The following BBS9 variants were observed in gnomAD, a reference collection of about 807,000 sequenced individuals.
The protein encoded by BBS9 is Bardet-Biedl syndrome 9, also known as protein PTHB1.
In BBS9, 89 loss-of-function variants were observed where a neutral mutation model predicts 117.7. The observed-to-expected ratio is 0.76, with a 90% confidence interval of 0.64 to 0.90. The LOEUF (loss-of-function observed/expected upper bound fraction) is 0.90. BBS9 is among the 40% of genes least tolerant of loss of function. The probability of loss-of-function intolerance (pLI) is 0.00; values close to 1 mark genes in which losing one functional copy is unlikely to be tolerated. For synonymous variants in BBS9, 379 were observed against 370.9 expected, an observed-to-expected ratio of 1.02 and a Z score of -0.25; for missense variants, 982 against 1,042.2, an observed-to-expected ratio of 0.94 and a Z score of 0.80.
intron 19 of BBS9, among the ~76,000 whole-genome samples, chr7:33,400,934 A>G (rs961489578): frequency 2.0e-5 from 3 of 152,232 alleles, no homozygotes; most frequent in Non-Finnish European, 4.4e-5. Flanking sequence ...ATTTAAATAT[A>G]TTTGTCACAC....
intron 4 of BBS9, among the ~76,000 whole-genome samples, chr7:33,158,225 A>C (rs1228957163): frequency 6.6e-6 from 1 of 152,184 alleles, no homozygotes; most frequent in Non-Finnish European, 1.5e-5. Context: ...CTAAAATTGC[A>C]CCGAAAACTG....
intron 5 of BBS9, among the ~76,000 whole-genome samples, chr7:33,241,769 AT>A (rs1301634119): frequency 2.0e-4 from 31 of 151,998 alleles, no homozygotes; most frequent in Non-Finnish European, 3.8e-4. Flanking sequence ...TATTTCTCAA[AT>A]TTCTGTTCTT....
chr7:33,560,763 A>T (rs914120972), intron 21 of BBS9, among the ~76,000 whole-genome samples: 1 of 152,178 alleles, frequency 6.6e-6, no homozygotes, highest in African/African-American at 2.4e-5. Context: ...ATCTCTAGGG[A>T]TAGGCTTCCA....
chr7:33,234,777 A>G (rs188483114), intron 5 of BBS9, among the ~76,000 whole-genome samples: 1 of 152,190 alleles, frequency 6.6e-6, no homozygotes, highest in East Asian at 1.9e-4. Context: ...TTGAATATAT[A>G]CAGACACGGG....
intron 1 of BBS9, among the ~76,000 whole-genome samples, chr7:33,139,723 G>A (rs560753321): frequency 6.8e-6 from 1 of 147,182 alleles, no homozygotes; most frequent in East Asian, 3.7e-4. Flanking sequence ...CCCTTTGAGT[G>A]TTGTATAGTT....
At chr7:33,324,390 C>G (rs1427426692) in intron 9 of BBS9, among the ~76,000 whole-genome samples, 1 of 152,088 alleles carries the variant, frequency 6.6e-6, no homozygotes, top group Non-Finnish European at 1.5e-5. Context: ...TGCTTTTTAA[C>G]TTTTATTGTT....
intron 21 of BBS9, among the ~76,000 whole-genome samples, chr7:33,547,197 A>T (rs1483646532): frequency 2.0e-5 from 3 of 152,164 alleles, no homozygotes; most frequent in Non-Finnish European, 4.4e-5. Flanking sequence ...CACATAAGAG[A>T]TGGTATCACT....
At chr7:33,167,061 G>C (rs1442469812) in intron 4 of BBS9, among the ~76,000 whole-genome samples, 1 of 152,208 alleles carries the variant, frequency 6.6e-6, no homozygotes, top group African/African-American at 2.4e-5. Context: ...TCCATGATGA[G>C]TCATAGAATG....
chr7:33,404,343 A>G (rs1278086431), intron 19 of BBS9, among the ~76,000 whole-genome samples: 1 of 152,258 alleles, frequency 6.6e-6, no homozygotes, highest in East Asian at 1.9e-4. Flanking sequence ...TTTTGGTTCC[A>G]TATGAACTTT....
Position 33,613,953 on chromosome 7 carries a change from C to G in BBS9, c.2522-21224C>G, listed in dbSNP as rs563709208. Reference sequence around the variant, plus strand: ...GAAAGAACAACCATACACTCTGTTTCTGCATGGCAGGCTATATGCCATGAC... The same window carrying G: ...GAAAGAACAACCATACACTCTGTTTGTGCATGGCAGGCTATATGCCATGAC... On this transcript the variant is annotated intron_variant, in intron 21 of 21. Coordinates refer to the BBS9 transcript ENST00000671952. Among the ~76,000 whole-genome samples the G allele has an allele frequency of 2.5e-3, 383 of 152,230 alleles. 3 individuals are homozygous for G. Among genetic ancestry groups the G allele is most frequent in the African/African-American group, 8.9e-3 (369 of 41,574 alleles).
At chr7:33,168,757 C>T (rs1218930815) in intron 4 of BBS9, among the ~76,000 whole-genome samples, 1 of 152,078 alleles carries the variant, frequency 6.6e-6, no homozygotes, top group African/African-American at 2.4e-5. Flanking sequence ...ATTTTTAACA[C>T]ATATCTTTGT....
At chr7:33,293,623 G>A (rs997518392) in intron 9 of BBS9, among the ~76,000 whole-genome samples, 1 of 152,050 alleles carries the variant, frequency 6.6e-6, no homozygotes, top group African/African-American at 2.4e-5. Context: ...AAGACCAAGT[G>A]CAGTATGCTA....
intron 21 of BBS9, among the ~76,000 whole-genome samples, chr7:33,544,513 C>T (rs527396279): frequency 3.0e-4 from 45 of 152,300 alleles, no homozygotes; most frequent in Admixed American, 1.9e-3. Flanking sequence ...GCTGGTACTG[C>T]GGGTTGTCTG....
At chr7:33,564,213 T>A (rs1435469897) in intron 21 of BBS9, among the ~76,000 whole-genome samples, 1 of 152,192 alleles carries the variant, frequency 6.6e-6, no homozygotes, top group East Asian at 1.9e-4. Context: ...ATAGACCTAT[T>A]CTTACACTAT....
chr7:33,284,014 T>G (rs774034558), intron 9 of BBS9, among the ~76,000 whole-genome samples: 1 of 152,144 alleles, frequency 6.6e-6, no homozygotes, highest in Non-Finnish European at 1.5e-5. Flanking sequence ...CTGTCTTCAT[T>G]GGTTAGGAAG....
At chr7:33,455,608 T>A (rs536199281) in intron 19 of BBS9, among the ~76,000 whole-genome samples, 1 of 152,264 alleles carries the variant, frequency 6.6e-6, no homozygotes. Context: ...ACCAAAACTA[T>A]CCCCGCACCA....
At chr7:33,252,571 G>A (rs1404422663) in intron 5 of BBS9, among the ~76,000 whole-genome samples, 1 of 152,058 alleles carries the variant, frequency 6.6e-6, no homozygotes, top group African/African-American at 2.4e-5. Context: ...AATGGTGCTG[G>A]TCTGGGGGCC....
At chr7:33,195,907 A>G (rs1784861812) in intron 5 of BBS9, among the ~76,000 whole-genome samples, 1 of 152,206 alleles carries the variant, frequency 6.6e-6, no homozygotes, top group Non-Finnish European at 1.5e-5. Flanking sequence ...CTGACAGCAC[A>G]GTAGTCTCAC....
At chr7:33,401,550 T>A (rs1360226185) in intron 19 of BBS9, among the ~76,000 whole-genome samples, 9 of 124,950 alleles carry the variant, frequency 7.2e-5, no homozygotes, top group Non-Finnish European at 1.5e-4. Context: ...TGGGACAACT[T>A]GAAGGGGTGG....
Sources: allele counts gnomAD v4.1 joint callset (sites outside exome capture counted in the v4.1 genomes callset), GRCh38; gene constraint gnomAD v4.1.1; transcripts MANE v1.5; gene names NCBI Gene and HGNC (gene_info 2026-07-23, HGNC 2026-07-21).